The following NDRG1 variants were observed in gnomAD, a reference collection of about 807,000 sequenced individuals.
The protein encoded by NDRG1 is protein NDRG1.
NDRG1 carries 32 observed loss-of-function variants against 56.9 expected under a neutral mutation model. The ratio of observed to expected loss-of-function variants is 0.56; its 90% CI spans 0.42 to 0.76. The LOEUF is 0.76. Ranked by LOEUF, NDRG1 falls within the 30% of genes least tolerant of loss-of-function variation. NDRG1 has a pLI of 0.00. For missense variants in NDRG1, 507 were observed against 545.7 expected, an observed-to-expected ratio of 0.93 and a Z score of 0.71; for synonymous variants, 211 against 204.1, an observed-to-expected ratio of 1.03 and a Z score of -0.29.
At chr8:133,288,068 C>T (rs1281092910) in intron 1 of NDRG1, among the ~76,000 whole-genome samples, 9 of 152,332 alleles carry the variant, frequency 5.9e-5, no homozygotes, top group African/African-American at 2.2e-4. Context: ...CACATACATA[C>T]ATTCTCACAA....
intron 1 of NDRG1, among the ~76,000 whole-genome samples, chr8:133,287,037 A>G (rs905989983): frequency 6.6e-6 from 1 of 152,166 alleles, no homozygotes; most frequent in African/African-American, 2.4e-5. Context: ...CCCTCACCTC[A>G]GTTCTCCCGA....
chr8:133,270,242 C>G (rs1473485365), intron 3 of NDRG1, among the ~76,000 whole-genome samples: 1 of 152,232 alleles, frequency 6.6e-6, no homozygotes, highest in East Asian at 1.9e-4. Flanking sequence ...CGCCTGGAAG[C>G]TGTCAAGTGG....
chr8:133,288,764 G>A (rs915850480), intron 1 of NDRG1, among the ~76,000 whole-genome samples: 1 of 152,078 alleles, frequency 6.6e-6, no homozygotes, highest in African/African-American at 2.4e-5. Flanking sequence ...GGAGTGGCTT[G>A]GGACTGACAA....
At chr8:133,250,147 G>A (rs947024154) in intron 10 of NDRG1, among the ~76,000 whole-genome samples, 27 of 152,192 alleles carry the variant, frequency 1.8e-4, no homozygotes, top group Non-Finnish European at 3.2e-4. Flanking sequence ...TCAGCAGCGG[G>A]CACACATATT....
At chr8:133,254,674 G>T in intron 8 of NDRG1, 79 bp from the exon 9 acceptor site, 2 of 1,440,064 alleles carry the variant, frequency 1.4e-6, no homozygotes, top group Non-Finnish European at 9.6e-7. Flanking sequence ...CCACTTCCCT[G>T]GGTGCAGGGT....
intron 3 of NDRG1, among the ~76,000 whole-genome samples, chr8:133,266,863 C>T (rs1030848840): frequency 1.3e-4 from 20 of 152,298 alleles, no homozygotes; most frequent in African/African-American, 4.8e-4. Context: ...AGGATTTAAC[C>T]CACTGGGGGG....
chr8:133,257,883 T>C (rs62514047), intron 7 of NDRG1, among the ~76,000 whole-genome samples: 1 of 152,076 alleles, frequency 6.6e-6, no homozygotes, highest in Admixed American at 6.6e-5. Context: ...CCAATGGATG[T>C]ACAAAATGAG....
intron 14 of NDRG1, 35 bp from the exon 15 acceptor site, chr8:133,242,109 G>C (rs1855420478): frequency 6.2e-7 from 1 of 1,613,468 alleles, no homozygotes; most frequent in Non-Finnish European, 8.5e-7. Context: ...GCAGTCAGTT[G>C]CTGGGGAGCC....
At chr8:133,244,495 G>T (rs2130676998) in intron 13 of NDRG1, 105 bp from the exon 14 acceptor site, 17 of 1,275,746 alleles carry the variant, frequency 1.3e-5, no homozygotes, top group South Asian at 1.2e-4. Flanking sequence ...GCCCTGCCCT[G>T]CCTTGTCCTG....
chr8:133,240,168 A>G (rs75077232), intron 15 of NDRG1: 4,717 of 152,262 alleles, frequency 0.031, 101 homozygotes, highest in Non-Finnish European at 0.048. Context: ...GAACTTTGAG[A>G]GAATGGATTT....
rs1263035267 is a variant in NDRG1 at position 133,254,577 on chromosome 8, C to T, written c.556G>A (p.Ala186Thr). The T allele has an allele frequency of 1.9e-6, 3 of 1,614,110 alleles. No individual in the cohort carries two copies. In the Admixed American group the frequency reaches 5.0e-5, roughly 27 times the overall value. ...TGGGACACCACCATGTCCGGCAGAGCTTGGGTCCATCCTGAGATCTGGAAA... is the reference window on the plus strand; with the variant it reads ...TGGGACACCACCATGTCCGGCAGAGTTTGGGTCCATCCTGAGATCTGGAAA... ...AASKISGWTQ[A>T]LPDMVVSHLF... is the part of the protein sequence containing the mutation. The change falls in exon 9 of 16, where the codon GCT becomes ACT. Residue 186 changes from alanine (A) to threonine (T), a missense_variant. Transcript: ENST00000323851.
chr8:133,262,328 T>C (rs1189796290), intron 4 of NDRG1, 161 bp from the exon 5 acceptor site: 2 of 826,432 alleles, frequency 2.4e-6, no homozygotes, highest in African/African-American at 3.4e-5. Flanking sequence ...TTTGGTTTTG[T>C]CCCCATGCCC....
At chr8:133,269,378 C>T (rs969838863) in intron 3 of NDRG1, among the ~76,000 whole-genome samples, 3 of 152,218 alleles carry the variant, frequency 2.0e-5, no homozygotes, top group African/African-American at 7.2e-5. Context: ...CACACACTTT[C>T]CTCTCACCTG....
intron 12 of NDRG1, 118 bp from the exon 13 acceptor site, chr8:133,246,781 A>G (rs1384546549): frequency 4.1e-6 from 4 of 966,034 alleles, no homozygotes; most frequent in Non-Finnish European, 3.4e-6. Flanking sequence ...GCTGGCAAAG[A>G]AGAAAGTATG....
Position 133,252,660 on chromosome 8 carries a change from T to C in NDRG1, c.594+1879A>G, listed in dbSNP as rs562825418. 3.3e-4 allele frequency among the ~76,000 whole-genome samples: 50 copies of C among 150,560 alleles called. 1 individual carries two copies. The highest frequency in any genetic ancestry group is 6.6e-4 in the Non-Finnish European group (45 of 67,710). On this transcript the variant is annotated intron_variant, in intron 9 of 15. Coordinates refer to ENST00000323851, the MANE Select transcript of NDRG1 (RefSeq NM_006096.4). Reference sequence around the variant, plus strand: ...CCTCGTACACTCGCCAACTCCAGAGTGGGGCCTCTGTTCCCCTGGTACACT... The same window carrying C: ...CCTCGTACACTCGCCAACTCCAGAGCGGGGCCTCTGTTCCCCTGGTACACT...
At chr8:133,283,332 C>T (rs1359432857) in intron 2 of NDRG1, among the ~76,000 whole-genome samples, 2 of 152,246 alleles carry the variant, frequency 1.3e-5, no homozygotes, top group African/African-American at 4.8e-5. Flanking sequence ...ACTAACTTCA[C>T]TTTTGGACCA....
chr8:133,271,778 TAAAAAA>T (rs66733314), intron 3 of NDRG1, among the ~76,000 whole-genome samples: 1 of 30,468 alleles, frequency 3.3e-5, no homozygotes, highest in African/African-American at 1.3e-4. Flanking sequence ...AGACCCTGTC[TAAAAAA>T]AAAAAAAAAA....
At chr8:133,251,566 C>T (rs1009371576) in intron 9 of NDRG1, among the ~76,000 whole-genome samples, 1 of 152,322 alleles carries the variant, frequency 6.6e-6, no homozygotes, top group East Asian at 1.9e-4. Flanking sequence ...TCTGACATCC[C>T]TCCTCCAGTG....
chr8:133,271,584 A>C (rs1433898486), intron 3 of NDRG1, among the ~76,000 whole-genome samples: 1 of 152,040 alleles, frequency 6.6e-6, no homozygotes, highest in East Asian at 1.9e-4. Flanking sequence ...TGAGTTTGAG[A>C]CCAGCATCTG....
Sources: gnomAD v4.1 joint callset for allele counts (sites outside exome capture counted in the v4.1 genomes callset) on GRCh38, gnomAD v4.1.1 for gene constraint, MANE v1.5 for transcripts, NCBI Gene and HGNC (gene_info 2026-07-23, HGNC 2026-07-21) for gene names.